TACR3: variants seen among roughly 807,000 people sequenced by gnomAD.
The protein encoded by TACR3 is tachykinin receptor 3, also known as neuromedin-K receptor.
In TACR3, 34 loss-of-function variants were observed where a neutral mutation model predicts 35.0. That is an observed-to-expected ratio of 0.97 (90% CI 0.74 to 1.30). TACR3 has a LOEUF of 1.30. Among genes scored for constraint, TACR3 ranks in the 50% most tolerant of loss-of-function variants. TACR3 has a pLI of 0.00. For synonymous variants in TACR3, 233 were observed against 221.1 expected, an observed-to-expected ratio of 1.05 and a Z score of -0.48; for missense variants, 558 against 591.7, an observed-to-expected ratio of 0.94 and a Z score of 0.59.
chr4:103,638,293 A>C (rs1335498942), intron 3 of TACR3, among the ~76,000 whole-genome samples: 1 of 151,508 alleles, frequency 6.6e-6, no homozygotes, highest in East Asian at 1.9e-4. Flanking sequence ...CCACATATCT[A>C]CAACTATCTG....
intron 1 of TACR3, among the ~76,000 whole-genome samples, chr4:103,716,561 G>A (rs1723095463): frequency 6.6e-6 from 1 of 152,080 alleles, no homozygotes; most frequent in Non-Finnish European, 1.5e-5. Context: ...TAACAATTGT[G>A]TGACCATTAG....
Position 103,717,979 on chromosome 4 carries a change from G to A in TACR3, c.548+1149C>T, listed in dbSNP as rs141655591. On this transcript the variant is annotated intron_variant, in intron 1 of 4. Coordinates refer to ENST00000304883, the MANE Select transcript of TACR3 (RefSeq NM_001059.3). ...TTCTAGTTAGTGGCTACTAACCTCT[G>A]CTCCTTTAATTTAATCCTTTGAGCC... Among the ~76,000 whole-genome samples, 31 of 152,210 alleles carry A rather than the reference G, an allele frequency of 2.0e-4. No homozygotes were observed. In the East Asian group the frequency reaches 5.4e-3, roughly 27 times the overall value.
chr4:103,675,953 G>C (rs992067426), intron 1 of TACR3, among the ~76,000 whole-genome samples: 1 of 152,076 alleles, frequency 6.6e-6, no homozygotes, highest in African/African-American at 2.4e-5. Flanking sequence ...TTATATAATT[G>C]GCAAATTTCT....
chr4:103,696,512 G>A (rs1179920546), intron 1 of TACR3, among the ~76,000 whole-genome samples: 2 of 152,104 alleles, frequency 1.3e-5, no homozygotes, highest in African/African-American at 4.8e-5. Flanking sequence ...AGCAAGCATC[G>A]TTTCTATGCT....
At chr4:103,624,749 G>T (rs191313539) in intron 3 of TACR3, among the ~76,000 whole-genome samples, 1 of 152,234 alleles carries the variant, frequency 6.6e-6, no homozygotes, top group East Asian at 1.9e-4. Flanking sequence ...TTTTCTATTT[G>T]TAATTCCCTT....
At chr4:103,697,576 C>T (rs1361424497) in intron 1 of TACR3, among the ~76,000 whole-genome samples, 1 of 151,994 alleles carries the variant, frequency 6.6e-6, no homozygotes, top group Non-Finnish European at 1.5e-5. Context: ...AGGCGCCCGC[C>T]ACCACGCCCG....
chr4:103,719,040 C>T, intron 1 of TACR3, 88 bp downstream of exon 1: 1 of 1,554,078 alleles, frequency 6.4e-7, no homozygotes, highest in Non-Finnish European at 8.8e-7. Flanking sequence ...GACCCCGTTA[C>T]GTTACTATTT....
intron 3 of TACR3, among the ~76,000 whole-genome samples, chr4:103,594,138 T>C (rs1029421184): frequency 1.3e-5 from 2 of 151,966 alleles, no homozygotes; most frequent in Non-Finnish European, 2.9e-5. Context: ...ATTTCTGCTT[T>C]CAAGGCAAAC....
At chr4:103,701,430 C>T (rs1225739370) in intron 1 of TACR3, among the ~76,000 whole-genome samples, 3 of 151,922 alleles carry the variant, frequency 2.0e-5, no homozygotes, top group African/African-American at 4.8e-5. Flanking sequence ...ACATTCCATG[C>T]TCATGGGTAG....
chr4:103,604,972 C>G (rs1287749146), intron 3 of TACR3, among the ~76,000 whole-genome samples: 1 of 81,416 alleles, frequency 1.2e-5, no homozygotes, highest in Non-Finnish European at 2.5e-5. Flanking sequence ...CAATGCTATC[C>G]CTCCCCCCTC....
At chr4:103,599,128 A>C (rs570553252) in intron 3 of TACR3, among the ~76,000 whole-genome samples, 4,679 of 152,028 alleles carry the variant, frequency 0.031, 211 homozygotes, top group African/African-American at 0.11. Flanking sequence ...CTTTTATTTC[A>C]CTGAGCAGTG....
intron 1 of TACR3, among the ~76,000 whole-genome samples, chr4:103,662,736 A>G (rs1413237947): frequency 6.6e-6 from 1 of 152,188 alleles, no homozygotes; most frequent in African/African-American, 2.4e-5. Flanking sequence ...TTATGTGAAG[A>G]CAGAAGATTG....
chr4:103,613,169 A>G (rs1391519119), intron 3 of TACR3, among the ~76,000 whole-genome samples: 1 of 152,168 alleles, frequency 6.6e-6, no homozygotes, highest in African/African-American at 2.4e-5. Context: ...TTGTATAGGC[A>G]AAGTGCTTAC....
chr4:103,633,746 C>A (rs899060131), intron 3 of TACR3, among the ~76,000 whole-genome samples: 2 of 152,114 alleles, frequency 1.3e-5, no homozygotes, highest in Non-Finnish European at 2.9e-5. Context: ...GAGCTAATTT[C>A]TATTTTCAGT....
Position 103,678,685 on chromosome 4 carries a change from C to T in TACR3, c.549-20282G>A, listed in dbSNP as rs143986862. Among the ~76,000 whole-genome samples the T allele has an allele frequency of 2.1e-3, 320 of 151,904 alleles. 2 individuals are homozygous for T. The highest frequency in any genetic ancestry group is 7.4e-3 in the African/African-American group (307 of 41,470). ...TACACAAAATAGATAGCAGTGGGTA[C>T]TACGCAGAAAGATAAAACAGATTAA... On this transcript the variant is annotated intron_variant, in intron 1 of 4. Coordinates refer to ENST00000304883, the MANE Select transcript of TACR3 (RefSeq NM_001059.3).
At chr4:103,704,107 A>C (rs868041422) in intron 1 of TACR3, among the ~76,000 whole-genome samples, 1 of 5,900 alleles carries the variant, frequency 1.7e-4, no homozygotes, top group East Asian at 8.3e-3. Context: ...CTATCTCACA[A>C]AAAAAAAAAA....
intron 4 of TACR3, chr4:103,591,282 T>G (rs1363723585): frequency 8.2e-6 from 5 of 610,338 alleles, no homozygotes; most frequent in Non-Finnish European, 1.2e-5. Context: ...GATCATTATT[T>G]GGGGCATCTA....
chr4:103,651,295 C>G (rs1211522896), intron 3 of TACR3, among the ~76,000 whole-genome samples: 2 of 149,916 alleles, frequency 1.3e-5, no homozygotes, highest in East Asian at 4.0e-4. Flanking sequence ...AGCTGGCATT[C>G]AAACCACAAG....
At chr4:103,651,801 C>T (rs527807184) in intron 3 of TACR3, among the ~76,000 whole-genome samples, 7 of 151,820 alleles carry the variant, frequency 4.6e-5, no homozygotes, top group African/African-American at 9.7e-5. Context: ...TTTAGTCAGT[C>T]GGTGATGGGT....
Sources: allele counts gnomAD v4.1 joint callset (sites outside exome capture counted in the v4.1 genomes callset), GRCh38; gene constraint gnomAD v4.1.1; transcripts MANE v1.5; gene names NCBI Gene and HGNC (gene_info 2026-07-23, HGNC 2026-07-21).